The following CEP63 variants were observed in gnomAD, a reference collection of about 807,000 sequenced individuals.
CEP63 encodes centrosomal protein of 63 kDa.
In CEP63, 84 loss-of-function variants were observed where a neutral mutation model predicts 89.1. The ratio of observed to expected loss-of-function variants is 0.94; its 90% confidence interval spans 0.79 to 1.13. The LOEUF is 1.13. CEP63 is among the 50% of genes most tolerant of loss of function. CEP63 has a pLI of 0.00. For missense variants in CEP63, 838 were observed against 813.3 expected (o/e 1.03, Z -0.37); for synonymous variants, 267 against 272.5 (o/e 0.98, Z 0.20).
the CEP63 span, among the ~76,000 whole-genome samples, chr3:134,766,207 C>G: frequency 1.3e-5 from 2 of 152,168 alleles, no homozygotes; most frequent in African/African-American, 4.8e-5. Context: ...TAGGATCTAC[C>G]TCTCCCCGCA....
intron 11 of CEP63, among the ~76,000 whole-genome samples, chr3:134,574,162 AT>A (rs2110297279): frequency 6.6e-6 from 1 of 152,324 alleles, no homozygotes; most frequent in South Asian, 2.1e-4. Context: ...CTATAGCACT[AT>A]TGGAGGAGCT....
At chr3:134,504,588 T>G (rs1468107750) in intron 2 of CEP63, among the ~76,000 whole-genome samples, 1 of 152,228 alleles carries the variant, frequency 6.6e-6, no homozygotes, top group East Asian at 1.9e-4. Flanking sequence ...AGAGAAGACC[T>G]TTTTAGGTTG....
intron 10 of CEP63, among the ~76,000 whole-genome samples, chr3:134,580,126 C>A (rs1958309781): frequency 6.7e-6 from 1 of 149,010 alleles, no homozygotes; most frequent in Admixed American, 6.8e-5. Flanking sequence ...ACCTGAGAGG[C>A]AGAGGTTGCA....
chr3:134,591,720 A>AAC (rs1369837043), downstream of CEP63, among the ~76,000 whole-genome samples: 526 of 132,734 alleles, frequency 4.0e-3, 4 homozygotes, highest in Non-Finnish European at 5.4e-3. Context: ...ACAACAAAAA[A>AAC]AACAAAAAAA....
rs746387482 is a variant in CEP63, at chr3:134,507,245, C to CTTAA, written c.182_185dup (p.Lys62AsnfsTer2). The CTTAA allele has an allele frequency of 1.2e-6, 2 of 1,613,638 alleles. No individual in the cohort carries two copies. The highest frequency in any genetic ancestry group is 4.5e-5 in the East Asian group (2 of 44,804). On this transcript the variant is annotated frameshift_variant, in exon 3 of 15. Transcript: ENST00000675561. LOFTEE classifies it high-confidence loss of function. ...TTGCTTGAAAATCCGTGAACAGGAA[C>CTTAA]TTAAGAGTCTTAGGAGTCAGTTGGA... is the stretch of plus-strand genomic sequence containing the variant.
intron 8 of CEP63, 147 bp downstream of exon 8, chr3:134,546,435 T>C (rs1442932976): frequency 3.8e-5 from 28 of 731,794 alleles, no homozygotes; most frequent in Non-Finnish European, 2.1e-6. Flanking sequence ...CTCAGCTCAC[T>C]GCAACCTCAA....
rs139358485 is a variant in CEP63, at chr3:134,491,156, A to G, written c.-25-4140A>G. Among the ~76,000 whole-genome samples, 354 of 152,322 alleles carry G rather than the reference A, an allele frequency of 2.3e-3. 2 individuals carry two copies. The highest frequency in any genetic ancestry group is 8.1e-3 in the African/African-American group (336 of 41,562). ...GTTAGGTATTACCAAAGTCTCCTCTATAGCAGTTGTGTTCATTTTGCATTC... is the reference window on the plus strand; with the variant it reads ...GTTAGGTATTACCAAAGTCTCCTCTGTAGCAGTTGTGTTCATTTTGCATTC... On this transcript the variant is annotated intron_variant, in intron 1 of 14. Coordinates refer to ENST00000675561, the MANE Select transcript of CEP63 (RefSeq NM_001353108.3).
chr3:134,753,848 C>T, the CEP63 span, among the ~76,000 whole-genome samples: 2 of 151,956 alleles, frequency 1.3e-5, no homozygotes, highest in Admixed American at 6.6e-5. Flanking sequence ...CACTCCTGAC[C>T]GTTTTGCAAT....
chr3:134,571,200 G>C (rs1957995919), intron 11 of CEP63, among the ~76,000 whole-genome samples: 1 of 152,198 alleles, frequency 6.6e-6, no homozygotes. Context: ...CCTCTGAATG[G>C]GATTAGGAGT....
chr3:134,692,858 C>T, the CEP63 span, among the ~76,000 whole-genome samples: 1 of 152,214 alleles, frequency 6.6e-6, no homozygotes, highest in East Asian at 1.9e-4. Context: ...CCCTAACACT[C>T]TTCTGGGTAC....
At chr3:134,527,195 G>T (rs1382462756) in intron 3 of CEP63, among the ~76,000 whole-genome samples, 1 of 152,212 alleles carries the variant, frequency 6.6e-6, no homozygotes, top group African/African-American at 2.4e-5. Flanking sequence ...ATTCACCACA[G>T]TGGAGGAGGC....
At chr3:134,760,157 C>G in the CEP63 span, among the ~76,000 whole-genome samples, 1 of 149,706 alleles carries the variant, frequency 6.7e-6, no homozygotes, top group Non-Finnish European at 1.5e-5. Context: ...CTCCCGGGTT[C>G]ACGCCATTCT....
intron 6 of CEP63, among the ~76,000 whole-genome samples, chr3:134,540,613 C>CT (rs1951799762): frequency 6.6e-6 from 1 of 151,922 alleles, no homozygotes; most frequent in African/African-American, 2.4e-5. Context: ...TTAGGCTTGT[C>CT]TTTGCCAATC....
At chr3:134,618,199 G>A in the CEP63 span, among the ~76,000 whole-genome samples, 2,278 of 152,242 alleles carry the variant, frequency 0.015, 36 homozygotes, top group Non-Finnish European at 0.019. Context: ...GCAGGAGGCA[G>A]CACAACAGGG....
At chr3:134,576,979 C>T (rs6782455), downstream of CEP63, among the ~76,000 whole-genome samples, 2,072 of 152,292 alleles carry the variant, frequency 0.014, 39 homozygotes, top group South Asian at 0.074. Flanking sequence ...AACAACACTG[C>T]GCAGGCCAAA....
At chr3:134,536,920 C>G (rs1213523832) in intron 5 of CEP63, 1 of 496,352 alleles carries the variant, frequency 2.0e-6, no homozygotes, top group Non-Finnish European at 3.7e-6. Context: ...GCGTGTCATA[C>G]TCCTCACCAT....
At chr3:134,604,220 G>A in the CEP63 span, 8 of 1,613,228 alleles carry the variant, frequency 5.0e-6, no homozygotes, top group African/African-American at 2.7e-5. Flanking sequence ...ACGGGCTGGT[G>A]AAGCTCAGCA....
chr3:134,629,579 T>C, the CEP63 span: 3 of 1,509,116 alleles, frequency 2.0e-6, no homozygotes, highest in Admixed American at 5.8e-5. Flanking sequence ...CCTTCAATCC[T>C]CTCTGCCAGC....
chr3:134,547,741 C>T (rs1953849556), intron 9 of CEP63, among the ~76,000 whole-genome samples: 1 of 151,606 alleles, frequency 6.6e-6, no homozygotes, highest in Admixed American at 6.6e-5. Context: ...TCCTGAGTAG[C>T]TGAGATTACA....
Sources: gnomAD v4.1 joint callset for allele counts (sites outside exome capture counted in the v4.1 genomes callset) on GRCh38, gnomAD v4.1.1 for gene constraint, MANE v1.5 for transcripts, NCBI Gene and HGNC (gene_info 2026-07-23, HGNC 2026-07-21) for gene names.